Variants in TLDC2 observed in about 807,000 individuals in gnomAD.
The protein encoded by TLDC2 is TBC/LysM-associated domain containing 2.
TLDC2 carries 23 observed loss-of-function variants against 27.9 expected under a neutral mutation model. The ratio of observed to expected loss-of-function variants is 0.82; its 90% CI spans 0.59 to 1.17. The LOEUF is 1.17. Ranked by LOEUF, TLDC2 falls within the 50% of genes most tolerant of loss-of-function variation. The probability of loss-of-function intolerance (pLI) is 0.00; values close to 1 mark genes in which losing one functional copy is unlikely to be tolerated. For missense variants in TLDC2, 286 were observed against 273.4 expected, an observed-to-expected ratio of 1.05 and a Z score of -0.32; for synonymous variants, 124 against 107.4, an observed-to-expected ratio of 1.16 and a Z score of -0.96.
intron 4 of TLDC2, among the ~76,000 whole-genome samples, chr20:36,885,515 C>T (rs1210018865): frequency 1.3e-5 from 2 of 152,186 alleles, no homozygotes; most frequent in Non-Finnish European, 2.9e-5. Context: ...TCCACAGCAA[C>T]GTGTATCTTA....
intron 1 of TLDC2, 140 bp from the exon 2 acceptor site, chr20:36,877,759 C>A: frequency 2.0e-6 from 2 of 1,001,502 alleles, no homozygotes; most frequent in Non-Finnish European, 2.9e-6. Context: ...AAACCCCCAA[C>A]TACCCTGGGC....
In TLDC2 at chr20:36,893,343, T is replaced by C. The variant is rs577030555; in HGVS notation, c.*499T>C. 77 of 503,204 alleles carry C rather than the reference T, an allele frequency of 1.5e-4. No homozygotes were observed. Among genetic ancestry groups the C allele is most frequent in the African/African-American group, 1.4e-3 (73 of 51,878 alleles). The allele number at this position is 503,204 out of a possible 1,614,324, so 31.2% of individuals were successfully genotyped here. A position where few individuals can be genotyped will look rare whatever the true frequency, so the allele number is the denominator to read the frequency against. On this transcript the variant is annotated 3_prime_UTR_variant, in exon 7 of 7. Transcript: ENST00000217320. ...CCACTGCCCACCTCTATGGCCTCCT[T>C]CACACACCTTCACGGAGCACAAACT... is the stretch of plus-strand genomic sequence containing the variant.
chr20:36,884,761 C>T (rs2055615784), intron 4 of TLDC2, among the ~76,000 whole-genome samples: 1 of 90,132 alleles, frequency 1.1e-5, no homozygotes, highest in Admixed American at 1.4e-4. Context: ...GACCCTGTCT[C>T]TAAAAATAAA....
chr20:36,877,779 G>A, intron 1 of TLDC2, 120 bp from the exon 2 acceptor site: 1 of 1,187,010 alleles, frequency 8.4e-7, no homozygotes, highest in Non-Finnish European at 1.2e-6. Flanking sequence ...CTGGGCTGGG[G>A]GTTACAGGCA....
At chr20:36,891,982 G>A (rs1990086117) in intron 6 of TLDC2, 1 of 152,346 alleles carries the variant, frequency 6.6e-6, no homozygotes, top group African/African-American at 2.4e-5. Flanking sequence ...AGCAGGTCAG[G>A]GGAGGCCTTC....
At position 36,889,322 on chromosome 20, in the gene TLDC2, A is replaced by G. The variant is rs1990002145; in HGVS notation, c.584A>G (p.Asn195Ser). 1.2e-6 allele frequency: 2 copies of G among 1,614,218 alleles called. No individual in the cohort carries two copies. Among genetic ancestry groups the G allele is most frequent in the Non-Finnish European group, 1.7e-6 (2 of 1,180,036 alleles). Reference protein sequence around the residue: ...GGSSPCPTFNNEVLARQEQFC... With the variant: ...GGSSPCPTFNSEVLARQEQFC... ...AGCTCCCCTTGCCCGACCTTCAACAACGAGGTGCTGGCCCGGCAGGAGCAG... is the reference window on the plus strand; with the variant it reads ...AGCTCCCCTTGCCCGACCTTCAACAGCGAGGTGCTGGCCCGGCAGGAGCAG... Residue 195 changes from asparagine to serine, a missense_variant, in exon 6 of 7, where the codon AAC (asparagine) becomes AGC (serine). Physicochemically the swap from Asn to Ser is conservative, Grantham distance 46. Coordinates refer to ENST00000217320, the MANE Select transcript of TLDC2 (RefSeq NM_080628.3).
At chr20:36,881,706 C>A (rs892287574) in intron 4 of TLDC2, among the ~76,000 whole-genome samples, 8 of 152,160 alleles carry the variant, frequency 5.3e-5, no homozygotes, top group Middle Eastern at 3.4e-3. Context: ...GACAACGGAA[C>A]CTAAACTGGA....
intron 4 of TLDC2, 57 bp downstream of exon 4, chr20:36,880,807 G>A (rs938731020): frequency 1.4e-5 from 22 of 1,529,708 alleles, no homozygotes; most frequent in South Asian, 9.0e-5. Context: ...CAAAGCTCCC[G>A]GGGTCCCAGT....
In TLDC2 at chr20:36,888,704, CAAAAAAAAAAA is replaced by C. The variant is rs35828858; in HGVS notation, c.513-533_513-523del. 1.6e-4 allele frequency among the ~76,000 whole-genome samples: 10 copies of C among 62,772 alleles called. No individual in the cohort carries two copies. In the Admixed American group the frequency reaches 2.1e-3, roughly 13 times the overall value. 41.2% of individuals were successfully genotyped at this position (62,772 alleles called of 152,430 possible). On this transcript the variant is annotated intron_variant, in intron 5 of 6. Transcript: ENST00000217320. ...CTGGGCGACAGAGCAAGACTCCTATCAAAAAAAAAAAAAAAAAAAAAAAATTGCCATCTTGA... is the reference window on the plus strand; with the variant it reads ...CTGGGCGACAGAGCAAGACTCCTATCAAAAAAAAAAAAATTGCCATCTTGA...
chr20:36,886,368 G>A lies in TLDC2; in HGVS notation c.439-1087G>A, dbSNP rs145146855. Among the ~76,000 whole-genome samples the A allele has an allele frequency of 6.0e-3, 913 of 152,288 alleles. 12 individuals carry two copies. Among genetic ancestry groups the A allele is most frequent in the African/African-American group, 0.021 (872 of 41,562 alleles). On this transcript the variant is annotated intron_variant, in intron 4 of 6. Coordinates refer to ENST00000217320, the MANE Select transcript of TLDC2 (RefSeq NM_080628.3). ...CCCAGCTCTTTGGGAGGCCAAGGCAGGCGGATCACGAGGTCAATAGATTGA... is the reference window on the plus strand; with the variant it reads ...CCCAGCTCTTTGGGAGGCCAAGGCAAGCGGATCACGAGGTCAATAGATTGA...
Position 36,889,308 on chromosome 20 carries a change from C to G in TLDC2, c.570C>G (p.Cys190Trp). Reference protein sequence around the residue: ...GDLFRGGSSPCPTFNNEVLAR... With the variant: ...GDLFRGGSSPWPTFNNEVLAR... ...TGTTCCGCGGGGGAAGCTCCCCTTG[C>G]CCGACCTTCAACAACGAGGTGCTGG... Residue 190 changes from cysteine (C) to tryptophan (W), a missense_variant, in exon 6 of 7, where the codon TGC becomes TGG. Physicochemically the swap from Cys to Trp is radical, Grantham distance 215. Transcript: ENST00000217320. The G allele has an allele frequency of 6.2e-7, 1 of 1,614,160 alleles. No homozygotes were observed. Among genetic ancestry groups the G allele is most frequent in the Non-Finnish European group, 8.5e-7 (1 of 1,180,028 alleles).
rs576096121 is a variant in TLDC2, at chr20:36,893,988, C to T, written c.*1144C>T. 1.6e-4 allele frequency: 62 copies of T among 398,562 alleles called. No homozygotes were observed. The highest frequency in any genetic ancestry group is 4.4e-4 in the Admixed American group (10 of 22,724). The allele number at this position is 398,562 out of a possible 1,614,324, so 24.7% of individuals were successfully genotyped here. A position where few individuals can be genotyped will look rare whatever the true frequency, so the allele number is the denominator to read the frequency against. On this transcript the variant is annotated 3_prime_UTR_variant, in exon 7 of 7. Transcript: ENST00000217320. ...TTTTCTCTCCCTACCTCCTCTGGCA[C>T]GAGCGGCAGTGGCAGTGACTATTCT...
At chr20:36,891,252 G>A (rs6072609) in intron 6 of TLDC2, 1 of 152,270 alleles carries the variant, frequency 6.6e-6, no homozygotes, top group African/African-American at 2.4e-5. Flanking sequence ...TGATCATACA[G>A]GATGGCAGAC....
At chr20:36,877,438 C>T (rs943816406) in intron 1 of TLDC2, among the ~76,000 whole-genome samples, 1 of 151,508 alleles carries the variant, frequency 6.6e-6, no homozygotes, top group Admixed American at 6.6e-5. Context: ...AGATCACAGA[C>T]AGTGCACACT....
rs1405284431 is a variant in TLDC2, at chr20:36,893,380, T to C, written c.*536T>C. 2 of 427,962 alleles carry C rather than the reference T, an allele frequency of 4.7e-6. No homozygotes were observed. Among genetic ancestry groups the C allele is most frequent in the Non-Finnish European group, 8.5e-6 (2 of 234,386 alleles). 26.5% of individuals were successfully genotyped at this position (427,962 alleles called of 1,614,324 possible). A position where few individuals can be genotyped will look rare whatever the true frequency, so the allele number is the denominator to read the frequency against. On this transcript the variant is annotated 3_prime_UTR_variant, in exon 7 of 7. Coordinates refer to ENST00000217320, the MANE Select transcript of TLDC2 (RefSeq NM_080628.3). The stretch of plus-strand genomic sequence containing the variant: ...ACGGAGCACAAACTCTGTCCTGTTT[T>C]CCCAGGAGAAAGACGGGATGCACTG...
At chr20:36,885,787 G>A (rs1989908438) in intron 4 of TLDC2, among the ~76,000 whole-genome samples, 1 of 152,106 alleles carries the variant, frequency 6.6e-6, no homozygotes, top group African/African-American at 2.4e-5. Context: ...AAATATATAT[G>A]TTCCAGGAAT....
At chr20:36,889,499 C>T (rs1367928437) in intron 6 of TLDC2, 96 bp downstream of exon 6, 4 of 1,420,720 alleles carry the variant, frequency 2.8e-6, no homozygotes, top group East Asian at 2.5e-5. Context: ...TAGAGTTGGC[C>T]GAGGCTGCTG....
At chr20:36,878,958 T>C in intron 2 of TLDC2, 83 bp from the exon 3 acceptor site, 3 of 1,603,690 alleles carry the variant, frequency 1.9e-6, no homozygotes, top group Non-Finnish European at 2.6e-6. Flanking sequence ...GCTGGATGCA[T>C]GCTAGCTGTC....
intron 6 of TLDC2, chr20:36,890,410 C>CTTTCTTTCTTTCTTTCTTTCTT (rs1463826514): frequency 7.3e-5 from 11 of 149,820 alleles, no homozygotes; most frequent in African/African-American, 2.7e-4. Flanking sequence ...TTCTTTCTTT[C>CTTTCTTTCTTTCTTTCTTTCTT]TTTCTTTCTT....
Sources: allele counts gnomAD v4.1 joint callset (sites outside exome capture counted in the v4.1 genomes callset), GRCh38; gene constraint gnomAD v4.1.1; transcripts MANE v1.5; gene names NCBI Gene and HGNC (gene_info 2026-07-23, HGNC 2026-07-21).